Variants in CENPC observed in about 807,000 individuals in gnomAD.
The protein encoded by CENPC is centromere protein C, also known as CENP-C 1.
A neutral mutation model predicts 112.1 loss-of-function variants in CENPC; 63 were observed. The ratio of observed to expected loss-of-function variants is 0.56; its 90% CI spans 0.46 to 0.69. CENPC has a LOEUF of 0.69. Among genes scored for constraint, CENPC ranks in the 30% least tolerant of loss-of-function variants. The pLI, the probability that CENPC is intolerant of heterozygous loss-of-function variation, is 0.00. For missense variants in CENPC, 1,000 were observed against 1,103.8 expected (o/e 0.91, Z 1.33); for synonymous variants, 333 against 367.6 (o/e 0.91, Z 1.08).
chr4:67,473,119 G>A (rs971592077), intron 18 of CENPC, among the ~76,000 whole-genome samples: 3 of 151,306 alleles, frequency 2.0e-5, no homozygotes, highest in Admixed American at 1.3e-4. Flanking sequence ...TCTGGAGAAC[G>A]GGGTCTCGCT....
At chr4:67,479,584 G>T (rs1383074235) in intron 17 of CENPC, among the ~76,000 whole-genome samples, 1 of 152,146 alleles carries the variant, frequency 6.6e-6, no homozygotes, top group East Asian at 1.9e-4. Context: ...GTGCTAACAG[G>T]AAAGTTAATA....
At chr4:67,520,503 T>C (rs1032213089) in intron 5 of CENPC, among the ~76,000 whole-genome samples, 2 of 152,000 alleles carry the variant, frequency 1.3e-5, no homozygotes, top group Non-Finnish European at 2.9e-5. Flanking sequence ...CAACCCCCTG[T>C]CCTCCACCCA....
intron 17 of CENPC, among the ~76,000 whole-genome samples, chr4:67,478,998 G>C (rs116940301): frequency 1.3e-5 from 2 of 152,140 alleles, no homozygotes; most frequent in Non-Finnish European, 2.9e-5. Flanking sequence ...AATAAGAAAT[G>C]GACTAGTCCA....
chr4:67,483,169 T>C (rs746305313), intron 17 of CENPC, among the ~76,000 whole-genome samples: 1 of 152,108 alleles, frequency 6.6e-6, no homozygotes, highest in Non-Finnish European at 1.5e-5. Context: ...TAAACCTCTT[T>C]CCTTTCAAAA....
rs779061533 is a variant in CENPC, at chr4:67,540,969, T to C, written c.136+11A>G. ...CTAACCCTTAAATTCCATCTTGAAA[T>C]GAAGCCTTACTTTTTTCTTCAAAAC... On this transcript the variant is annotated intron_variant, in intron 3 of 18. Coordinates refer to ENST00000273853, the MANE Select transcript of CENPC (RefSeq NM_001812.4). 6.3e-7 allele frequency: 1 copy of C among 1,588,124 alleles called. No individual in the cohort carries two copies. The highest frequency in any genetic ancestry group is 1.1e-5 in the South Asian group (1 of 87,878).
chr4:67,486,553 T>C (rs1220208664), intron 17 of CENPC, among the ~76,000 whole-genome samples: 1 of 152,182 alleles, frequency 6.6e-6, no homozygotes, highest in African/African-American at 2.4e-5. Flanking sequence ...CGGTTCTCAA[T>C]CAAGGTGATT....
In CENPC at chr4:67,530,915, C is replaced by T; in HGVS notation, c.232-1G>A. On this transcript the variant is annotated splice_acceptor_variant, in intron 4 of 18. Coordinates refer to ENST00000273853, the MANE Select transcript of CENPC (RefSeq NM_001812.4). LOFTEE classifies it high-confidence loss of function. ...CTGACTTTGGATGTGATTTCTGGCA[C>T]TGAGCACAGAAGAAATACAACATTA... is the stretch of plus-strand genomic sequence containing the variant. The T allele has an allele frequency of 6.6e-7, 1 of 1,521,996 alleles. No individual in the cohort carries two copies. Among genetic ancestry groups the T allele is most frequent in the African/African-American group, 1.4e-5 (1 of 72,496 alleles). 94.3% of individuals were successfully genotyped at this position (1,521,996 alleles called of 1,614,324 possible).
In CENPC at chr4:67,519,123, A is replaced by C. The variant is rs1726143428; in HGVS notation, c.617+94T>G. 1.7e-5 allele frequency: 14 copies of C among 841,612 alleles called. 1 individual carries two copies. The East Asian group carries it at 3.8e-4, about 23-fold the overall frequency. 52.1% of individuals were successfully genotyped at this position (841,612 alleles called of 1,614,324 possible). ...AACATGTTAATATTCCTCCTTCCTT[A>C]GTGTAAAATAATATAACAAGATTGA... On this transcript the variant is annotated intron_variant, in intron 6 of 18. Coordinates refer to ENST00000273853, the MANE Select transcript of CENPC (RefSeq NM_001812.4).
chr4:67,498,384 TAA>T (rs1725499044), intron 12 of CENPC, among the ~76,000 whole-genome samples: 1 of 152,336 alleles, frequency 6.6e-6, no homozygotes, highest in East Asian at 1.9e-4. Flanking sequence ...TTTCTTAAAA[TAA>T]GTCAACAATG....
chr4:67,505,443 G>A (rs1194543455), intron 11 of CENPC, among the ~76,000 whole-genome samples, 159 bp from the exon 12 acceptor site: 2 of 152,100 alleles, frequency 1.3e-5, no homozygotes, highest in Non-Finnish European at 2.9e-5. Context: ...TCATCCCTCA[G>A]TATTTGTGGG....
intron 12 of CENPC, among the ~76,000 whole-genome samples, chr4:67,501,924 T>C (rs930076674): frequency 1.2e-5 from 1 of 85,944 alleles, no homozygotes. Flanking sequence ...AAGACTGAAA[T>C]TATTTCAAAA....
chr4:67,519,358 G>T lies in CENPC; in HGVS notation c.476C>A (p.Pro159His), dbSNP rs756762364. The T allele has an allele frequency of 6.2e-7, 1 of 1,613,184 alleles. No individual in the cohort carries two copies. Among genetic ancestry groups the T allele is most frequent in the Non-Finnish European group, 8.5e-7 (1 of 1,179,520 alleles). The stretch of plus-strand genomic sequence containing the variant: ...TGTTTTTGCATCCAAAAGAACAGAA[G>T]GTGAGCCAACGGATAAGTAAAATTC... ...DEEFYLSVGS[P>H]SVLLDAKTSV... Residue 159 changes from proline (P) to histidine (H), a missense_variant, in exon 6 of 19, where the codon CCT (proline) becomes CAT (histidine). Pro to His is a moderately conservative substitution (Grantham distance 77). Transcript: ENST00000273853.
chr4:67,485,706 GAATAAC>G (rs1725076549), intron 17 of CENPC, among the ~76,000 whole-genome samples: 2 of 152,122 alleles, frequency 1.3e-5, no homozygotes, highest in Admixed American at 6.5e-5. Context: ...TAATATACCA[GAATAAC>G]AATAACAGCT....
chr4:67,532,091 T>G (rs1177916292), intron 4 of CENPC, among the ~76,000 whole-genome samples: 1 of 152,158 alleles, frequency 6.6e-6, no homozygotes, highest in Non-Finnish European at 1.5e-5. Flanking sequence ...GCAAAGGATA[T>G]GAACAGACAC....
chr4:67,519,563 G>T (rs946022436), intron 5 of CENPC, 61 bp from the exon 6 acceptor site: 2 of 1,138,098 alleles, frequency 1.8e-6, no homozygotes, highest in African/African-American at 1.6e-5. Flanking sequence ...AATCAAGCAG[G>T]CTTTTTAAAA....
chr4:67,508,790 T>C (rs750230998), intron 10 of CENPC, 24 bp downstream of exon 10: 4 of 1,600,796 alleles, frequency 2.5e-6, no homozygotes, highest in South Asian at 1.1e-5. Flanking sequence ...AAAGTAACTA[T>C]ATTGTACACA....
At chr4:67,502,004 G>T (rs1427636385) in intron 12 of CENPC, among the ~76,000 whole-genome samples, 1 of 152,094 alleles carries the variant, frequency 6.6e-6, no homozygotes, top group East Asian at 1.9e-4. Flanking sequence ...ATCCTAGTAA[G>T]TATGGAGATG....
chr4:67,492,284 G>T lies in CENPC; in HGVS notation c.2420-9C>A. ...TACCATTAAGTTAGTCTCTGCAAAA[G>T]AAATACCATTGAAATACAAACTACT... On this transcript the variant is annotated splice_polypyrimidine_tract_variant and intron_variant, in intron 15 of 18. Coordinates refer to ENST00000273853, the MANE Select transcript of CENPC (RefSeq NM_001812.4). 1.3e-6 allele frequency: 2 copies of T among 1,511,900 alleles called. No individual in the cohort carries two copies. The highest frequency in any genetic ancestry group is 1.8e-6 in the Non-Finnish European group (2 of 1,112,228). 93.7% of individuals were successfully genotyped at this position (1,511,900 alleles called of 1,614,324 possible).
chr4:67,485,898 A>AG (rs560031570), intron 17 of CENPC, among the ~76,000 whole-genome samples: 156 of 152,206 alleles, frequency 1.0e-3, no homozygotes, highest in African/African-American at 3.4e-3. Flanking sequence ...TAAATGGCAA[A>AG]GGGGGGGAGT....
Sources: allele counts gnomAD v4.1 joint callset (sites outside exome capture counted in the v4.1 genomes callset), GRCh38; gene constraint gnomAD v4.1.1; transcripts MANE v1.5; gene names NCBI Gene and HGNC (gene_info 2026-07-23, HGNC 2026-07-21).